Variants in SLC1A1 observed in about 807,000 individuals in gnomAD.
SLC1A1 encodes the protein excitatory amino acid transporter 3.
In SLC1A1, 43 loss-of-function variants were observed where a neutral mutation model predicts 53.3. The observed-to-expected ratio is 0.81, with a 90% CI of 0.63 to 1.04. The LOEUF (loss-of-function observed/expected upper bound fraction) is 1.04, where lower values mean the gene tolerates loss of function less well. Among genes scored for constraint, SLC1A1 ranks in the 50% least tolerant of loss-of-function variants. The probability of loss-of-function intolerance (pLI) is 0.00; values close to 1 mark genes in which losing one functional copy is unlikely to be tolerated. For missense variants in SLC1A1, 748 were observed against 664.9 expected (o/e 1.12, Z -1.37); for synonymous variants, 307 against 243.2 (o/e 1.26, Z -2.44).
intron 1 of SLC1A1, among the ~76,000 whole-genome samples, chr9:4,517,118 T>C (rs2130823457): frequency 6.6e-6 from 1 of 152,314 alleles, no homozygotes; most frequent in Non-Finnish European, 1.5e-5. Flanking sequence ...ATTATAAAAG[T>C]GTTTGGGCCT....
intron 10 of SLC1A1, 137 bp from the exon 11 acceptor site, chr9:4,582,898 CAAG>C: frequency 9.2e-7 from 1 of 1,081,718 alleles, no homozygotes; most frequent in Non-Finnish European, 1.4e-6. Flanking sequence ...TGGGGCTCAG[CAAG>C]TCACAGATTC....
chr9:4,560,382 T>C (rs1288532637), intron 2 of SLC1A1, among the ~76,000 whole-genome samples: 1 of 152,182 alleles, frequency 6.6e-6, no homozygotes, highest in African/African-American at 2.4e-5. Context: ...GGTGAGTTTG[T>C]AACAATGTGG....
intron 1 of SLC1A1, among the ~76,000 whole-genome samples, chr9:4,523,478 T>G (rs1816156656): frequency 1.3e-5 from 2 of 152,138 alleles, no homozygotes; most frequent in Admixed American, 1.3e-4. Context: ...AACTCTGAAG[T>G]TTTTAATTTA....
At chr9:4,546,950 C>T (rs1316177001) in intron 2 of SLC1A1, among the ~76,000 whole-genome samples, 2 of 152,226 alleles carry the variant, frequency 1.3e-5, no homozygotes, top group African/African-American at 4.8e-5. Flanking sequence ...TACTATTGAA[C>T]TCATGTGTCT....
chr9:4,492,891 T>A (rs1480460411), intron 1 of SLC1A1, among the ~76,000 whole-genome samples: 1 of 152,134 alleles, frequency 6.6e-6, no homozygotes, highest in Non-Finnish European at 1.5e-5. Context: ...CTTTTCAGCA[T>A]GGGGCTCTCC....
chr9:4,552,153 A>G (rs901932196), intron 2 of SLC1A1, among the ~76,000 whole-genome samples: 1 of 152,176 alleles, frequency 6.6e-6, no homozygotes, highest in Non-Finnish European at 1.5e-5. Flanking sequence ...GACCTTCTAT[A>G]TATTGGAGGC....
intron 1 of SLC1A1, among the ~76,000 whole-genome samples, chr9:4,534,242 A>C (rs11521468): frequency 0.28 from 42,526 of 152,042 alleles, 7,058 homozygotes; most frequent in Admixed American, 0.39. Flanking sequence ...AGACACAAAA[A>C]AACCCTTCAA....
At chr9:4,501,284 AC>A (rs1352094376) in intron 1 of SLC1A1, among the ~76,000 whole-genome samples, 1 of 151,228 alleles carries the variant, frequency 6.6e-6, no homozygotes, top group Non-Finnish European at 1.5e-5. Flanking sequence ...CCAGGTTCAA[AC>A]AATTTTCCTG....
intron 1 of SLC1A1, 92 bp downstream of exon 1, chr9:4,490,862 C>A: frequency 6.4e-6 from 7 of 1,091,090 alleles, no homozygotes; most frequent in Non-Finnish European, 9.6e-6. Flanking sequence ...GGCGCTGGCG[C>A]ACTCCATGCA....
chr9:4,574,068 C>A, intron 8 of SLC1A1, 54 bp downstream of exon 8: 3 of 1,198,160 alleles, frequency 2.5e-6, no homozygotes, highest in South Asian at 2.4e-5. Flanking sequence ...AATAGGATGG[C>A]CGCTGAGAGG....
intron 1 of SLC1A1, among the ~76,000 whole-genome samples, chr9:4,515,571 G>A (rs1296926746): frequency 6.6e-6 from 1 of 152,126 alleles, no homozygotes; most frequent in Non-Finnish European, 1.5e-5. Flanking sequence ...AGAGTGTGCT[G>A]CCCAAGAAGA....
At chr9:4,539,894 T>C (rs1816857560) in intron 1 of SLC1A1, among the ~76,000 whole-genome samples, 1 of 152,098 alleles carries the variant, frequency 6.6e-6, no homozygotes, top group Non-Finnish European at 1.5e-5. Flanking sequence ...ATATTTAGCA[T>C]AAAAGCTGGA....
intron 2 of SLC1A1, among the ~76,000 whole-genome samples, chr9:4,558,382 G>A (rs995829193): frequency 5.3e-5 from 8 of 152,154 alleles, no homozygotes; most frequent in Non-Finnish European, 5.9e-5. Flanking sequence ...AAGTATAATC[G>A]TTGATTTGTG....
chr9:4,561,202 C>G (rs1818903579), intron 2 of SLC1A1, among the ~76,000 whole-genome samples: 1 of 152,168 alleles, frequency 6.6e-6, no homozygotes. Context: ...GATCTGAAGG[C>G]AGGACACTCC....
chr9:4,528,239 A>G (rs184188094), intron 1 of SLC1A1, among the ~76,000 whole-genome samples: 37 of 152,252 alleles, frequency 2.4e-4, no homozygotes, highest in African/African-American at 8.7e-4. Flanking sequence ...TACTTCCTGC[A>G]TGGAAAATCT....
chr9:4,496,255 C>A (rs1820415136), intron 1 of SLC1A1, among the ~76,000 whole-genome samples: 1 of 151,992 alleles, frequency 6.6e-6, no homozygotes, highest in African/African-American at 2.4e-5. Flanking sequence ...GTGAGAGGGT[C>A]TGAGGAGGAA....
chr9:4,568,878 T>C lies in SLC1A1; in HGVS notation c.582+1111T>C, dbSNP rs75523651. 8.3e-3 allele frequency among the ~76,000 whole-genome samples: 1,264 copies of C among 152,238 alleles called. 18 individuals are homozygous for C. The highest frequency in any genetic ancestry group is 0.029 in the African/African-American group (1,198 of 41,546). On this transcript the variant is annotated intron_variant, in intron 6 of 11. Coordinates refer to ENST00000262352, the MANE Select transcript of SLC1A1 (RefSeq NM_004170.6). ...TCAGTATTAATAAATTAACAATCTA[T>C]ATGAAACAAGGTGTCTTTAAAAGAA...
At chr9:4,496,893 G>A (rs758813106) in intron 1 of SLC1A1, among the ~76,000 whole-genome samples, 28 of 152,102 alleles carry the variant, frequency 1.8e-4, no homozygotes, top group Non-Finnish European at 1.5e-4. Context: ...GCAAGATCCT[G>A]TCTCTGAAAA....
At chr9:4,517,990 G>A (rs1278057348) in intron 1 of SLC1A1, among the ~76,000 whole-genome samples, 2 of 151,934 alleles carry the variant, frequency 1.3e-5, no homozygotes, top group Non-Finnish European at 2.9e-5. Flanking sequence ...CACTTTGGGA[G>A]GCTGAGACAG....
Sources: gnomAD v4.1 joint callset for allele counts (sites outside exome capture counted in the v4.1 genomes callset) on GRCh38, gnomAD v4.1.1 for gene constraint, MANE v1.5 for transcripts, NCBI Gene and HGNC (gene_info 2026-07-23, HGNC 2026-07-21) for gene names.